Variants in LRRC7 observed in about 807,000 individuals in gnomAD.
LRRC7 encodes leucine-rich repeat-containing protein 7.
In LRRC7, 23 loss-of-function variants were observed where a neutral mutation model predicts 175.7. The ratio of observed to expected loss-of-function variants is 0.13; its 90% confidence interval spans 0.09 to 0.19. The LOEUF is 0.19. LRRC7 is among the 10% of genes least tolerant of loss of function. The probability of loss-of-function intolerance (pLI) is 1.00; values close to 1 mark genes in which losing one functional copy is unlikely to be tolerated. For synonymous variants in LRRC7, 685 were observed against 680.9 expected, an observed-to-expected ratio of 1.01 and a Z score of -0.09; for missense variants, 1,354 against 1,904.7, an observed-to-expected ratio of 0.71 and a Z score of 5.38.
At chr1:70,081,931 T>TA (rs1324788463) in intron 24 of LRRC7, among the ~76,000 whole-genome samples, 4 of 152,226 alleles carry the variant, frequency 2.6e-5, no homozygotes, top group East Asian at 1.9e-4. Context: ...CAGAGAGTTA[T>TA]AAAAAATGAT....
At chr1:69,737,405 G>C (rs1161133483) in intron 2 of LRRC7, among the ~76,000 whole-genome samples, 1 of 152,084 alleles carries the variant, frequency 6.6e-6, no homozygotes, top group African/African-American at 2.4e-5. Context: ...CTTCCACCAT[G>C]ATTGTGAGGC....
chr1:69,806,965 A>G (rs1677188891), intron 4 of LRRC7, among the ~76,000 whole-genome samples: 1 of 151,960 alleles, frequency 6.6e-6, no homozygotes, highest in Non-Finnish European at 1.5e-5. Context: ...GTCAAATTGC[A>G]TATAAAAAGT....
At chr1:69,928,670 A>G (rs1013832143) in intron 7 of LRRC7, among the ~76,000 whole-genome samples, 12 of 152,190 alleles carry the variant, frequency 7.9e-5, no homozygotes, top group African/African-American at 2.9e-4. Context: ...AAAGAGCAGT[A>G]TTAGGGTGGG....
At chr1:69,976,007 TTCTCC>T (rs1338803273) in intron 8 of LRRC7, among the ~76,000 whole-genome samples, 1 of 152,174 alleles carries the variant, frequency 6.6e-6, no homozygotes, top group Non-Finnish European at 1.5e-5. Flanking sequence ...CCCTTAACTT[TTCTCC>T]TCTCCTCTCA....
chr1:69,600,028 C>T (rs1423836179), intron 1 of LRRC7, among the ~76,000 whole-genome samples: 1 of 152,116 alleles, frequency 6.6e-6, no homozygotes, highest in Non-Finnish European at 1.5e-5. Context: ...TCTAGAGCCA[C>T]TCCACCTCTA....
intron 8 of LRRC7, among the ~76,000 whole-genome samples, chr1:69,969,960 A>G (rs1211402824): frequency 1.3e-5 from 2 of 152,316 alleles, no homozygotes; most frequent in Admixed American, 6.5e-5. Flanking sequence ...TTAAACTGGA[A>G]ATCAACTGCA....
intron 8 of LRRC7, among the ~76,000 whole-genome samples, chr1:69,974,182 C>T (rs996315596): frequency 6.6e-6 from 1 of 152,158 alleles, no homozygotes; most frequent in Non-Finnish European, 1.5e-5. Context: ...TTATTTCATA[C>T]ATAAAAATAT....
chr1:69,588,106 T>C (rs577398358), intron 1 of LRRC7, among the ~76,000 whole-genome samples: 4 of 152,190 alleles, frequency 2.6e-5, no homozygotes, highest in Non-Finnish European at 5.9e-5. Context: ...ATTTTCTCCA[T>C]GAAGGCTTTC....
intron 5 of LRRC7, among the ~76,000 whole-genome samples, chr1:69,833,288 A>G (rs937587115): frequency 2.0e-5 from 3 of 152,108 alleles, no homozygotes; most frequent in African/African-American, 2.4e-5. Context: ...TGATTTATAT[A>G]ATGTTCAAAA....
At chr1:69,737,461 T>C (rs567501848) in intron 2 of LRRC7, among the ~76,000 whole-genome samples, 1 of 152,250 alleles carries the variant, frequency 6.6e-6, no homozygotes, top group Admixed American at 6.5e-5. Context: ...TCTTTTTCTT[T>C]ATAAATTACC....
chr1:69,872,845 C>T (rs1685686055), intron 7 of LRRC7, among the ~76,000 whole-genome samples: 1 of 152,126 alleles, frequency 6.6e-6, no homozygotes, highest in African/African-American at 2.4e-5. Flanking sequence ...ATATACCTCT[C>T]TCATTGGTGT....
At chr1:70,008,329 G>C (rs967363700) in intron 11 of LRRC7, among the ~76,000 whole-genome samples, 1 of 152,146 alleles carries the variant, frequency 6.6e-6, no homozygotes, top group Non-Finnish European at 1.5e-5. Flanking sequence ...ATCTCTTTTG[G>C]CAACACCTAC....
intron 4 of LRRC7, among the ~76,000 whole-genome samples, chr1:69,798,067 G>T (rs1032404219): frequency 6.6e-6 from 1 of 151,890 alleles, no homozygotes; most frequent in Non-Finnish European, 1.5e-5. Context: ...GATTACAGGC[G>T]CCTGTCAACA....
In LRRC7 at chr1:70,130,034, A is replaced by C. The variant is rs1054900410; in HGVS notation, c.*8147A>C. On this transcript the variant is annotated 3_prime_UTR_variant, in exon 27 of 27. Transcript: ENST00000651989. ...TATGCAGCCTTCAGAGCCCAGCTCA[A>C]ACAGCACTAGAACCATGAAACCCTC... 6.6e-6 allele frequency: 1 copy of C among 152,212 alleles called. No individual in the cohort carries two copies. The highest frequency in any genetic ancestry group is 2.4e-5 in the African/African-American group (1 of 41,452). The allele number at this position is 152,212 out of a possible 1,614,324, so 9.4% of individuals were successfully genotyped here. A position where few individuals can be genotyped will look rare whatever the true frequency, so the allele number is the denominator to read the frequency against.
intron 24 of LRRC7, among the ~76,000 whole-genome samples, chr1:70,082,912 A>T (rs1227432083): frequency 1.3e-5 from 2 of 149,164 alleles, no homozygotes; most frequent in African/African-American, 5.0e-5. Flanking sequence ...CAGCCTCCCG[A>T]GTAGCTGGGA....
At chr1:69,910,496 G>A (rs1328742524) in intron 7 of LRRC7, among the ~76,000 whole-genome samples, 2 of 152,212 alleles carry the variant, frequency 1.3e-5, no homozygotes, top group Admixed American at 1.3e-4. Context: ...CTGCAGAACA[G>A]CGGTGGCTGT....
intron 7 of LRRC7, among the ~76,000 whole-genome samples, chr1:69,893,945 T>C (rs907663047): frequency 3.3e-5 from 5 of 152,040 alleles, no homozygotes; most frequent in Non-Finnish European, 7.4e-5. Context: ...TGCAAGGAGA[T>C]TCATTGGTGT....
At chr1:70,116,322 C>T (rs1001908440) in intron 26 of LRRC7, among the ~76,000 whole-genome samples, 2 of 152,026 alleles carry the variant, frequency 1.3e-5, no homozygotes, top group Non-Finnish European at 1.5e-5. Context: ...CCGAGGCAGG[C>T]GCATCACGAG....
At position 69,934,498 on chromosome 1, in the gene LRRC7, G is replaced by GA. The variant is rs1401896375; in HGVS notation, c.711+2928_711+2929insA. On this transcript the variant is annotated intron_variant, in intron 8 of 26. Coordinates refer to ENST00000651989, the MANE Select transcript of LRRC7 (RefSeq NM_001370785.2). The stretch of plus-strand genomic sequence containing the variant: ...AGAACATAATAGATATTTTGGCGGG[G>GA]GGGGGGCGGGGGGTGGGGGGTTTTG... Among the ~76,000 whole-genome samples the GA allele has an allele frequency of 2.9e-5, 3 of 101,856 alleles. No homozygotes were observed. The East Asian group carries it at 1.3e-3, about 43-fold the overall frequency. 66.8% of individuals were successfully genotyped at this position (101,856 alleles called of 152,430 possible).
Sources: allele counts gnomAD v4.1 joint callset (sites outside exome capture counted in the v4.1 genomes callset), GRCh38; gene constraint gnomAD v4.1.1; transcripts MANE v1.5; gene names NCBI Gene and HGNC (gene_info 2026-07-23, HGNC 2026-07-21).